Variants in UNC13C observed in about 807,000 individuals in gnomAD.
UNC13C encodes unc-13 homolog C.
A neutral mutation model predicts 245.4 loss-of-function variants in UNC13C; 174 were observed. The ratio of observed to expected loss-of-function variants is 0.71; its 90% CI spans 0.63 to 0.80. The LOEUF is 0.80. UNC13C is among the 30% of genes least tolerant of loss of function. UNC13C has a pLI of 0.00. For missense variants in UNC13C, 2,829 were observed against 2,602.9 expected (o/e 1.09, Z -1.89); for synonymous variants, 992 against 895.1 (o/e 1.11, Z -1.93).
intron 10 of UNC13C, 125 bp downstream of exon 10, chr15:54,265,621 A>T: frequency 1.4e-6 from 1 of 692,546 alleles, no homozygotes; most frequent in Non-Finnish European, 2.2e-6. Context: ...GTAATAAAAA[A>T]GTAAAAGTAA....
chr15:54,020,284 T>C (rs1254957606), intron 2 of UNC13C, among the ~76,000 whole-genome samples: 3 of 150,550 alleles, frequency 2.0e-5, no homozygotes, highest in African/African-American at 7.3e-5. Flanking sequence ...TTTTCTTTTT[T>C]TTTTTTTTGA....
the UNC13C span, among the ~76,000 whole-genome samples, chr15:53,917,647 A>C: frequency 6.6e-6 from 1 of 152,194 alleles, no homozygotes; most frequent in Middle Eastern, 3.4e-3. Flanking sequence ...CCTCTTTTCT[A>C]TCTCCTCCTC....
At chr15:53,898,613 T>A in the UNC13C span, among the ~76,000 whole-genome samples, 1 of 152,194 alleles carries the variant, frequency 6.6e-6, no homozygotes, top group Non-Finnish European at 1.5e-5. Flanking sequence ...GACTATTGAC[T>A]GGGCCATTTT....
intron 19 of UNC13C, among the ~76,000 whole-genome samples, chr15:54,457,101 T>G (rs1891574359): frequency 6.6e-6 from 1 of 152,202 alleles, no homozygotes; most frequent in African/African-American, 2.4e-5. Context: ...ATGCTGGATT[T>G]TATCAAATTC....
intron 1 of UNC13C, among the ~76,000 whole-genome samples, chr15:53,985,337 T>C (rs1409152749): frequency 6.6e-6 from 1 of 151,922 alleles, no homozygotes; most frequent in Non-Finnish European, 1.5e-5. Flanking sequence ...TTTCTTTTTT[T>C]TTTTCTTGGT....
At chr15:53,922,422 A>T in the UNC13C span, among the ~76,000 whole-genome samples, 2 of 152,220 alleles carry the variant, frequency 1.3e-5, no homozygotes, top group Non-Finnish European at 2.9e-5. Flanking sequence ...TTAATTTTAC[A>T]AATGAAGAAA....
At chr15:53,848,307 G>C in the UNC13C span, among the ~76,000 whole-genome samples, 1 of 151,892 alleles carries the variant, frequency 6.6e-6, no homozygotes, top group Non-Finnish European at 1.5e-5. Flanking sequence ...TTCGTCTATA[G>C]CTTCGCCCTC....
intron 6 of UNC13C, 60 bp downstream of exon 6, chr15:54,236,495 C>G (rs776631674): frequency 1.9e-4 from 256 of 1,336,408 alleles, no homozygotes; most frequent in Non-Finnish European, 2.6e-4. Context: ...ATACACTGCA[C>G]TTACTCATGG....
intron 17 of UNC13C, among the ~76,000 whole-genome samples, chr15:54,391,807 CTAAG>C (rs1478484374): frequency 6.6e-6 from 1 of 152,014 alleles, no homozygotes; most frequent in African/African-American, 2.4e-5. Flanking sequence ...GTGTCTAGTA[CTAAG>C]TGAGTTCACT....
chr15:54,083,786 G>A (rs919598920), intron 2 of UNC13C, among the ~76,000 whole-genome samples: 4 of 152,156 alleles, frequency 2.6e-5, no homozygotes, highest in Non-Finnish European at 5.9e-5. Flanking sequence ...AAGTCTGAGG[G>A]GATTATAAGG....
At chr15:54,396,209 A>G (rs1382939931) in intron 18 of UNC13C, among the ~76,000 whole-genome samples, 1 of 151,754 alleles carries the variant, frequency 6.6e-6, no homozygotes, top group African/African-American at 2.4e-5. Flanking sequence ...CAAAATAATG[A>G]AGATATCCAT....
chr15:53,843,704 A>G, the UNC13C span, among the ~76,000 whole-genome samples: 1 of 152,122 alleles, frequency 6.6e-6, no homozygotes, highest in African/African-American at 2.4e-5. Flanking sequence ...AAGTCAAAGG[A>G]GTAAAAGAAA....
chr15:54,221,467 C>A (rs58702897), intron 4 of UNC13C, among the ~76,000 whole-genome samples: 1 of 150,840 alleles, frequency 6.6e-6, no homozygotes, highest in Admixed American at 6.6e-5. Flanking sequence ...TAATAGTCAT[C>A]AGGAAAATTA....
chr15:54,418,903 C>T (rs113794133), intron 19 of UNC13C, among the ~76,000 whole-genome samples: 1 of 152,124 alleles, frequency 6.6e-6, no homozygotes. Context: ...CTCTTTCACA[C>T]TTATAGTAAG....
At chr15:54,507,722 G>A (rs909810249) in intron 23 of UNC13C, among the ~76,000 whole-genome samples, 1 of 151,778 alleles carries the variant, frequency 6.6e-6, no homozygotes, top group Non-Finnish European at 1.5e-5. Flanking sequence ...ATAAAGAAAA[G>A]CTAGATAAAG....
chr15:54,286,624 A>G (rs191538740), intron 10 of UNC13C, among the ~76,000 whole-genome samples: 56 of 152,326 alleles, frequency 3.7e-4, no homozygotes, highest in Admixed American at 8.5e-4. Context: ...CTTTAATGAT[A>G]GGAAATATCT....
intron 4 of UNC13C, among the ~76,000 whole-genome samples, chr15:54,160,283 A>G (rs1358237432): frequency 6.6e-6 from 1 of 151,162 alleles, no homozygotes; most frequent in Non-Finnish European, 1.5e-5. Flanking sequence ...GTGATTTGAG[A>G]TTCAGATCTA....
At chr15:53,950,174 G>A in the UNC13C span, among the ~76,000 whole-genome samples, 1 of 152,108 alleles carries the variant, frequency 6.6e-6, no homozygotes, top group African/African-American at 2.4e-5. Context: ...TGCAAAGAGG[G>A]GGCTTGGTAA....
At chr15:54,187,524 C>T (rs1400116325) in intron 4 of UNC13C, among the ~76,000 whole-genome samples, 1 of 152,150 alleles carries the variant, frequency 6.6e-6, no homozygotes, top group Non-Finnish European at 1.5e-5. Flanking sequence ...GGTTTCTCTA[C>T]AGCTGGCCCA....
Sources: allele counts gnomAD v4.1 joint callset (sites outside exome capture counted in the v4.1 genomes callset), GRCh38; gene constraint gnomAD v4.1.1; transcripts MANE v1.5; gene names NCBI Gene and HGNC (gene_info 2026-07-23, HGNC 2026-07-21).